FAT3: variants seen among roughly 807,000 people sequenced by gnomAD.
FAT3 encodes the protein FAT atypical cadherin 3.
A neutral mutation model predicts 310.2 loss-of-function variants in FAT3; 95 were observed. The ratio of observed to expected loss-of-function variants is 0.31; its 90% CI spans 0.26 to 0.36. The LOEUF (loss-of-function observed/expected upper bound fraction) is 0.36. FAT3 is among the 10% of genes least tolerant of loss of function. The pLI is 1.00. For missense variants in FAT3, 5,408 were observed against 5,715.6 expected, an observed-to-expected ratio of 0.95 and a Z score of 1.74; for synonymous variants, 2,314 against 2,192.9, an observed-to-expected ratio of 1.06 and a Z score of -1.54.
At chr11:92,534,466 G>A (rs867856366) in intron 3 of FAT3, among the ~76,000 whole-genome samples, 8 of 152,336 alleles carry the variant, frequency 5.3e-5, no homozygotes, top group Middle Eastern at 6.8e-3. Flanking sequence ...TGTGGGGAAA[G>A]TCTTTCAGAT....
chr11:92,371,538 A>C (rs571436811), intron 2 of FAT3, among the ~76,000 whole-genome samples: 1 of 152,332 alleles, frequency 6.6e-6, no homozygotes, highest in South Asian at 2.1e-4. Flanking sequence ...CAACATGGTG[A>C]AACACCATCT....
At chr11:92,792,664 C>G in intron 8 of FAT3, 103 bp from the exon 9 acceptor site, 1 of 1,118,622 alleles carries the variant, frequency 8.9e-7, no homozygotes, top group Non-Finnish European at 1.3e-6. Context: ...GGGTCAAGCA[C>G]TTTGCGTGCA....
At chr11:92,302,693 T>C (rs1947030433) in intron 1 of FAT3, among the ~76,000 whole-genome samples, 1 of 152,150 alleles carries the variant, frequency 6.6e-6, no homozygotes, top group African/African-American at 2.4e-5. Flanking sequence ...ATAGTCCTAC[T>C]TTGAATGAGA....
At chr11:92,707,685 T>C (rs916811440) in intron 4 of FAT3, among the ~76,000 whole-genome samples, 19 of 152,202 alleles carry the variant, frequency 1.2e-4, no homozygotes, top group African/African-American at 3.9e-4. Context: ...TTTACTTCCA[T>C]AGCTCCTTTT....
chr11:92,623,515 A>G (rs952346811), intron 3 of FAT3, among the ~76,000 whole-genome samples: 11 of 152,358 alleles, frequency 7.2e-5, no homozygotes, highest in African/African-American at 2.6e-4. Flanking sequence ...GAGAATGGAA[A>G]TATGCATGTT....
intron 2 of FAT3, among the ~76,000 whole-genome samples, chr11:92,413,862 A>T (rs186398895): frequency 0.011 from 1,725 of 152,322 alleles, 15 homozygotes; most frequent in Non-Finnish European, 0.019. Flanking sequence ...GGCTGGTCTC[A>T]GTGAGTCCTC....
At chr11:92,296,134 C>T (rs189745225) in intron 1 of FAT3, among the ~76,000 whole-genome samples, 99 of 152,208 alleles carry the variant, frequency 6.5e-4, no homozygotes, top group Non-Finnish European at 1.1e-3. Context: ...CAACTCTGGA[C>T]CCACAGTCTT....
chr11:92,513,999 C>T (rs1280605349), intron 2 of FAT3, among the ~76,000 whole-genome samples: 2 of 152,108 alleles, frequency 1.3e-5, no homozygotes, highest in South Asian at 2.1e-4. Flanking sequence ...AGGTAAACAA[C>T]CTAGCATGTA....
intron 4 of FAT3, among the ~76,000 whole-genome samples, chr11:92,718,481 A>G (rs569873134): frequency 5.4e-4 from 82 of 152,268 alleles, no homozygotes; most frequent in African/African-American, 1.9e-3. Flanking sequence ...ATGTGCCCAC[A>G]TGTGGAGCAG....
intron 3 of FAT3, among the ~76,000 whole-genome samples, chr11:92,666,500 C>T (rs1338923461): frequency 4.0e-5 from 6 of 151,598 alleles, no homozygotes; most frequent in South Asian, 4.2e-4. Flanking sequence ...TACAGACAAC[C>T]GCCACCACGC....
Position 92,809,877 on chromosome 11 carries a change from G to A in FAT3, c.9282G>A (p.Glu3094=). 2 of 1,613,972 alleles carry A rather than the reference G, an allele frequency of 1.2e-6. No individual in the cohort carries two copies. Among genetic ancestry groups the A allele is most frequent in the Non-Finnish European group, 1.7e-6 (2 of 1,179,846 alleles). ...ELKTLALLDR[E]RIPVYSLMAK... ...AAACCTTGGCTCTGTTGGACCGGGA[G>A]AGGATCCCCGTGTACAGCCTGATGG... Residue 3094 remains glutamate, a synonymous_variant, in exon 13 of 28, where the codon GAG becomes GAA. Transcript: ENST00000525166.
chr11:92,486,225 G>A (rs1266898380), intron 2 of FAT3, among the ~76,000 whole-genome samples: 1 of 134,862 alleles, frequency 7.4e-6, no homozygotes, highest in Non-Finnish European at 1.5e-5. Flanking sequence ...TGTCCTTTAG[G>A]GGGCTTTTAC....
chr11:92,468,383 T>G (rs1439855712), intron 2 of FAT3, among the ~76,000 whole-genome samples: 1 of 152,224 alleles, frequency 6.6e-6, no homozygotes, highest in South Asian at 2.1e-4. Context: ...CTTAATAAAC[T>G]TGATGGAAGA....
chr11:92,228,029 A>G (rs1010682000), intron 1 of FAT3, among the ~76,000 whole-genome samples: 2 of 152,120 alleles, frequency 1.3e-5, no homozygotes, highest in African/African-American at 4.8e-5. Context: ...AACTTGAACA[A>G]TGAGTGATGC....
intron 2 of FAT3, among the ~76,000 whole-genome samples, chr11:92,518,811 A>G (rs1380810451): frequency 6.6e-6 from 1 of 152,156 alleles, no homozygotes; most frequent in Non-Finnish European, 1.5e-5. Flanking sequence ...TATGTCAAAA[A>G]CATGAAATGT....
intron 3 of FAT3, among the ~76,000 whole-genome samples, chr11:92,676,109 G>A (rs1037640207): frequency 4.6e-5 from 7 of 152,126 alleles, no homozygotes; most frequent in Non-Finnish European, 1.5e-5. Context: ...AAAGCAGCGA[G>A]CAGCAAATAT....
intron 4 of FAT3, among the ~76,000 whole-genome samples, chr11:92,717,777 A>T (rs912441847): frequency 6.6e-6 from 1 of 152,184 alleles, no homozygotes; most frequent in Non-Finnish European, 1.5e-5. Flanking sequence ...GGGGACAAAG[A>T]TGAGTAAGAT....
chr11:92,714,155 A>G (rs1199450442), intron 4 of FAT3, among the ~76,000 whole-genome samples: 3 of 152,166 alleles, frequency 2.0e-5, no homozygotes, highest in Non-Finnish European at 4.4e-5. Flanking sequence ...TCTGTACAGT[A>G]CTTAGCACCC....
intron 2 of FAT3, among the ~76,000 whole-genome samples, chr11:92,492,428 A>G (rs1952634984): frequency 1.3e-5 from 2 of 152,196 alleles, no homozygotes; most frequent in Middle Eastern, 3.4e-3. Flanking sequence ...AATGGAGATC[A>G]TAATAATTAG....
Sources: allele counts gnomAD v4.1 joint callset (sites outside exome capture counted in the v4.1 genomes callset), GRCh38; gene constraint gnomAD v4.1.1; transcripts MANE v1.5; gene names NCBI Gene and HGNC (gene_info 2026-07-23, HGNC 2026-07-21).